The following CADM2 variants were observed in gnomAD, a reference collection of about 807,000 sequenced individuals.
CADM2 encodes the protein immunoglobulin superfamily member 4D.
Under a neutral mutation model 49.8 loss-of-function variants are expected in CADM2, and 12 were observed. The ratio of observed to expected loss-of-function variants is 0.24; its 90% CI spans 0.15 to 0.39. The LOEUF is 0.39. Among genes scored for constraint, CADM2 ranks in the 10% least tolerant of loss-of-function variants. The probability of loss-of-function intolerance (pLI) is 1.00; values close to 1 mark genes in which losing one functional copy is unlikely to be tolerated. For synonymous variants in CADM2, 214 were observed against 175.4 expected, an observed-to-expected ratio of 1.22 and a Z score of -1.74; for missense variants, 378 against 492.3, an observed-to-expected ratio of 0.77 and a Z score of 2.20.
chr3:85,174,996 A>G (rs2040739344), intron 1 of CADM2, among the ~76,000 whole-genome samples: 1 of 152,212 alleles, frequency 6.6e-6, no homozygotes, highest in Non-Finnish European at 1.5e-5. Flanking sequence ...AAGAAGATAT[A>G]CAAATGGACA....
At chr3:85,120,558 T>C (rs1415120506) in intron 1 of CADM2, among the ~76,000 whole-genome samples, 1 of 152,130 alleles carries the variant, frequency 6.6e-6, no homozygotes, top group Non-Finnish European at 1.5e-5. Flanking sequence ...ACCATCATTC[T>C]CAGCAAACTA....
At chr3:85,642,088 C>A (rs1390852049) in intron 1 of CADM2, among the ~76,000 whole-genome samples, 1 of 152,068 alleles carries the variant, frequency 6.6e-6, no homozygotes, top group Non-Finnish European at 1.5e-5. Context: ...AAAAATCATT[C>A]ATGTATTTGC....
At chr3:85,108,419 A>T (rs1357536346) in intron 1 of CADM2, among the ~76,000 whole-genome samples, 1 of 152,176 alleles carries the variant, frequency 6.6e-6, no homozygotes, top group Admixed American at 6.6e-5. Context: ...TGAAGATATT[A>T]TACTAAGGGA....
At chr3:85,143,084 A>G (rs1019796008) in intron 1 of CADM2, among the ~76,000 whole-genome samples, 3 of 152,214 alleles carry the variant, frequency 2.0e-5, no homozygotes, top group African/African-American at 4.8e-5. Flanking sequence ...AATCAAAAGT[A>G]TACAAACAGG....
At chr3:85,221,396 T>C (rs1207654622) in intron 1 of CADM2, among the ~76,000 whole-genome samples, 1 of 152,128 alleles carries the variant, frequency 6.6e-6, no homozygotes, top group Non-Finnish European at 1.5e-5. Context: ...CTGTAGATGC[T>C]TCATTGTTAT....
chr3:85,076,600 G>T (rs2036954510), intron 1 of CADM2, among the ~76,000 whole-genome samples: 1 of 151,914 alleles, frequency 6.6e-6, no homozygotes, highest in African/African-American at 2.4e-5. Flanking sequence ...GCCTGCTTTG[G>T]CCTCCCAAAA....
chr3:85,027,792 A>G (rs1482398364), intron 1 of CADM2, among the ~76,000 whole-genome samples: 2 of 152,196 alleles, frequency 1.3e-5, no homozygotes, highest in African/African-American at 4.8e-5. Context: ...ATAACAATGA[A>G]CTTGCTAACA....
At chr3:85,132,453 A>C (rs2107611754) in intron 1 of CADM2, among the ~76,000 whole-genome samples, 1 of 152,272 alleles carries the variant, frequency 6.6e-6, no homozygotes, top group African/African-American at 2.4e-5. Context: ...GTTGGTCTGG[A>C]CTTGATCTAA....
chr3:85,388,843 G>T (rs190328269), intron 1 of CADM2, among the ~76,000 whole-genome samples: 39 of 151,898 alleles, frequency 2.6e-4, no homozygotes, highest in Admixed American at 2.2e-3. Context: ...AAGGTATGAA[G>T]TAATTTTTCC....
At chr3:85,052,932 G>A (rs1183692423) in intron 1 of CADM2, among the ~76,000 whole-genome samples, 2 of 151,982 alleles carry the variant, frequency 1.3e-5, no homozygotes, top group Non-Finnish European at 2.9e-5. Context: ...AATAGCTACA[G>A]TAAGCTTCTT....
At chr3:85,432,611 G>A (rs1169359142) in intron 1 of CADM2, among the ~76,000 whole-genome samples, 2 of 152,092 alleles carry the variant, frequency 1.3e-5, no homozygotes, top group African/African-American at 4.8e-5. Flanking sequence ...TAACAGAAAT[G>A]TAGTGTACAT....
At chr3:85,282,738 T>C (rs2043535637) in intron 1 of CADM2, among the ~76,000 whole-genome samples, 1 of 152,118 alleles carries the variant, frequency 6.6e-6, no homozygotes, top group Non-Finnish European at 1.5e-5. Flanking sequence ...TCATTCTGCA[T>C]ATTTCTAGCT....
intron 6 of CADM2, among the ~76,000 whole-genome samples, chr3:85,922,956 G>T (rs1349532912): frequency 6.6e-6 from 1 of 151,540 alleles, no homozygotes; most frequent in Non-Finnish European, 1.5e-5. Flanking sequence ...TGAGTAGCTG[G>T]GACTATAGGC....
intron 3 of CADM2, among the ~76,000 whole-genome samples, chr3:85,829,543 T>C (rs992566626): frequency 6.6e-6 from 1 of 151,994 alleles, no homozygotes; most frequent in Non-Finnish European, 1.5e-5. Flanking sequence ...GATATAAGTA[T>C]GCATTGTGTA....
intron 3 of CADM2, among the ~76,000 whole-genome samples, chr3:85,830,189 C>T (rs2074123392): frequency 1.3e-5 from 2 of 151,884 alleles, no homozygotes; most frequent in Admixed American, 1.3e-4. Context: ...CTTGTTATCA[C>T]TTCTCATTTT....
At chr3:85,119,919 A>T (rs2107588259) in intron 1 of CADM2, among the ~76,000 whole-genome samples, 1 of 152,260 alleles carries the variant, frequency 6.6e-6, no homozygotes, top group South Asian at 2.1e-4. Context: ...ATGGGAGAAA[A>T]TTTTTGCAAT....
At chr3:85,073,743 G>A (rs1363832631) in intron 1 of CADM2, among the ~76,000 whole-genome samples, 1 of 152,022 alleles carries the variant, frequency 6.6e-6, no homozygotes, top group East Asian at 1.9e-4. Context: ...AATTGAAAAT[G>A]AAATTTTTTT....
chr3:85,920,189 G>T (rs928604162), intron 6 of CADM2, among the ~76,000 whole-genome samples: 1 of 151,750 alleles, frequency 6.6e-6, no homozygotes, highest in Non-Finnish European at 1.5e-5. Context: ...ATTCCAAGGA[G>T]CATTCAAAAT....
At chr3:85,039,116 C>T (rs2035336034) in intron 1 of CADM2, among the ~76,000 whole-genome samples, 1 of 152,148 alleles carries the variant, frequency 6.6e-6, no homozygotes, top group Non-Finnish European at 1.5e-5. Context: ...ATTCTCCTGC[C>T]TCAGCCTCCC....
Sources: allele counts gnomAD v4.1 joint callset (sites outside exome capture counted in the v4.1 genomes callset), GRCh38; gene constraint gnomAD v4.1.1; transcripts MANE v1.5; gene names NCBI Gene and HGNC (gene_info 2026-07-23, HGNC 2026-07-21).